The following AFF1 variants were observed in gnomAD, a reference collection of about 807,000 sequenced individuals.
AFF1 encodes the protein ALF transcription elongation factor 1.
Under a neutral mutation model 121.7 loss-of-function variants are expected in AFF1, and 48 were observed. The ratio of observed to expected loss-of-function variants is 0.39; its 90% CI spans 0.31 to 0.50. The LOEUF is 0.50. Ranked by LOEUF, AFF1 falls within the 20% of genes least tolerant of loss-of-function variation. The pLI is 0.76. For synonymous variants in AFF1, 613 were observed against 563.0 expected (o/e 1.09, Z -1.26); for missense variants, 1,523 against 1,511.7 (o/e 1.01, Z -0.12).
At chr4:86,983,738 AC>A (rs1397188642) in intron 2 of AFF1, among the ~76,000 whole-genome samples, 2 of 148,888 alleles carry the variant, frequency 1.3e-5, no homozygotes, top group African/African-American at 5.0e-5. Flanking sequence ...AAAACAAAAA[AC>A]AAATAAAATA....
chr4:87,044,579 G>A (rs1730484858), intron 2 of AFF1, among the ~76,000 whole-genome samples: 1 of 152,186 alleles, frequency 6.6e-6, no homozygotes, highest in South Asian at 2.1e-4. Flanking sequence ...GGGGTGTGTG[G>A]TGGAGAGAGA....
intron 7 of AFF1, among the ~76,000 whole-genome samples, chr4:87,092,381 G>A (rs1348429020): frequency 6.6e-6 from 1 of 152,162 alleles, no homozygotes; most frequent in African/African-American, 2.4e-5. Context: ...ACACATAGTA[G>A]CTGTACCAAA....
chr4:87,007,678 C>T (rs1250621363), intron 2 of AFF1, among the ~76,000 whole-genome samples: 3 of 152,148 alleles, frequency 2.0e-5, no homozygotes, highest in African/African-American at 4.8e-5. Flanking sequence ...CCCCTTCTTC[C>T]CCCAGAACTG....
chr4:86,984,739 C>T (rs924761773), intron 2 of AFF1, among the ~76,000 whole-genome samples: 17 of 151,982 alleles, frequency 1.1e-4, no homozygotes, highest in Admixed American at 1.1e-3. Flanking sequence ...AGTTTGACAT[C>T]AGCCTGCGAA....
intron 8 of AFF1, among the ~76,000 whole-genome samples, chr4:87,100,422 C>G (rs1354031352): frequency 6.6e-6 from 1 of 152,142 alleles, no homozygotes; most frequent in Non-Finnish European, 1.5e-5. Flanking sequence ...TGTGATGACT[C>G]TCCCCACAAG....
At chr4:86,949,534 A>ATT (rs1317428441) in intron 2 of AFF1, 11 of 347,406 alleles carry the variant, frequency 3.2e-5, no homozygotes, top group African/African-American at 1.9e-4. Context: ...TATTATTATT[A>ATT]TTATTTTTTT....
Sources: gnomAD v4.1 joint callset for allele counts (sites outside exome capture counted in the v4.1 genomes callset) on GRCh38, gnomAD v4.1.1 for gene constraint, MANE v1.5 for transcripts, NCBI Gene and HGNC (gene_info 2026-07-23, HGNC 2026-07-21) for gene names.